The following CDH4 variants were observed in gnomAD, a reference collection of about 807,000 sequenced individuals.
The protein encoded by CDH4 is cadherin-4.
A neutral mutation model predicts 86.0 loss-of-function variants in CDH4; 33 were observed. That is an observed-to-expected ratio of 0.38 (90% CI 0.29 to 0.51). CDH4 has a LOEUF of 0.51. Among genes scored for constraint, CDH4 ranks in the 20% least tolerant of loss-of-function variants. CDH4 has a pLI of 0.86. For synonymous variants in CDH4, 555 were observed against 549.4 expected (o/e 1.01, Z -0.14); for missense variants, 1,114 against 1,307.4 (o/e 0.85, Z 2.28).
At chr20:61,424,378 A>G (rs562409234) in intron 2 of CDH4, among the ~76,000 whole-genome samples, 8 of 150,810 alleles carry the variant, frequency 5.3e-5, no homozygotes, top group African/African-American at 1.7e-4. Context: ...ACAAACATGT[A>G]TCCACACACA....
chr20:61,275,336 A>G (rs1309909381), intron 2 of CDH4, among the ~76,000 whole-genome samples: 1 of 87,786 alleles, frequency 1.1e-5, no homozygotes, highest in Non-Finnish European at 2.1e-5. Flanking sequence ...TTGGGAGAGT[A>G]CCGTGCGCAG....
At chr20:61,852,643 C>T (rs1982778374) in intron 5 of CDH4, 111 bp from the exon 6 acceptor site, 10 of 1,151,462 alleles carry the variant, frequency 8.7e-6, no homozygotes, top group Non-Finnish European at 1.2e-5. Context: ...CCCCTATAGC[C>T]AACCTGCTTC....
At chr20:61,923,059 C>T (rs906037750) in intron 9 of CDH4, among the ~76,000 whole-genome samples, 2 of 152,228 alleles carry the variant, frequency 1.3e-5, no homozygotes, top group South Asian at 2.1e-4. Flanking sequence ...TGGTGAGGCC[C>T]CGCTGGCCAA....
chr20:61,652,862 G>T (rs1284465913), intron 2 of CDH4, among the ~76,000 whole-genome samples: 1 of 146,388 alleles, frequency 6.8e-6, no homozygotes, highest in Non-Finnish European at 1.5e-5. Context: ...TTTTTTTGGG[G>T]GGGGGATAAA....
intron 4 of CDH4, among the ~76,000 whole-genome samples, chr20:61,793,982 C>CAA (rs60192209): frequency 0.15 from 21,721 of 142,386 alleles, 1,813 homozygotes; most frequent in South Asian, 0.25. Flanking sequence ...ACTAAAAATA[C>CAA]AAAAAAAAAA....
intron 9 of CDH4, among the ~76,000 whole-genome samples, chr20:61,916,539 A>G (rs1335691204): frequency 6.6e-6 from 1 of 152,216 alleles, no homozygotes. Flanking sequence ...TATCATCATC[A>G]TCATCCTCAT....
At chr20:61,714,051 A>ATGTTATGTTATGTTATGTTATGTTATG in intron 2 of CDH4, among the ~76,000 whole-genome samples, 1 of 149,636 alleles carries the variant, frequency 6.7e-6, no homozygotes, top group Admixed American at 6.7e-5. Flanking sequence ...ATTTTATTTT[A>ATGTTATGTTATGTTATGTTATGTTATG]TTTTATTTTA....
At chr20:61,604,235 G>C (rs971937666) in intron 2 of CDH4, among the ~76,000 whole-genome samples, 1 of 152,244 alleles carries the variant, frequency 6.6e-6, no homozygotes, top group Non-Finnish European at 1.5e-5. Flanking sequence ...GACTGTCTCC[G>C]GAGTAACAGG....
intron 2 of CDH4, among the ~76,000 whole-genome samples, chr20:61,331,099 T>G (rs914862372): frequency 2.6e-5 from 4 of 152,096 alleles, no homozygotes; most frequent in African/African-American, 9.7e-5. Context: ...ACCCCACGTG[T>G]GGGAGGATCT....
chr20:61,512,913 T>G (rs537757357), intron 2 of CDH4, among the ~76,000 whole-genome samples: 1 of 152,392 alleles, frequency 6.6e-6, no homozygotes, highest in South Asian at 2.1e-4. Flanking sequence ...TGTGTTTGTT[T>G]GTTTTTTGGG....
intron 6 of CDH4, among the ~76,000 whole-genome samples, chr20:61,857,012 A>G (rs1488709181): frequency 6.6e-6 from 1 of 152,240 alleles, no homozygotes; most frequent in African/African-American, 2.4e-5. Flanking sequence ...CTTGGAGGCC[A>G]AAAGCTTGTT....
At chr20:61,767,443 C>T (rs1054645598) in intron 3 of CDH4, among the ~76,000 whole-genome samples, 3 of 152,178 alleles carry the variant, frequency 2.0e-5, no homozygotes, top group African/African-American at 7.2e-5. Flanking sequence ...TGTTCCCTGC[C>T]GTGTGGAGTG....
chr20:61,596,080 G>A (rs2086555482), intron 2 of CDH4, among the ~76,000 whole-genome samples: 1 of 152,232 alleles, frequency 6.6e-6, no homozygotes, highest in Admixed American at 6.5e-5. Flanking sequence ...GGGACCAACT[G>A]TCCTCAGAGC....
intron 2 of CDH4, among the ~76,000 whole-genome samples, chr20:61,688,307 C>T (rs1029696998): frequency 1.3e-5 from 2 of 152,098 alleles, no homozygotes; most frequent in East Asian, 1.9e-4. Flanking sequence ...TTTCTCCCTC[C>T]TCCCACCTTC....
At chr20:61,383,704 A>C (rs1418436298) in intron 2 of CDH4, among the ~76,000 whole-genome samples, 1 of 74,590 alleles carries the variant, frequency 1.3e-5, no homozygotes, top group African/African-American at 4.3e-5. Flanking sequence ...ATATATATGA[A>C]TGTATATGAT....
intron 2 of CDH4, among the ~76,000 whole-genome samples, chr20:61,556,998 C>G (rs1362856189): frequency 1.3e-5 from 2 of 152,168 alleles, no homozygotes; most frequent in East Asian, 3.9e-4. Flanking sequence ...AAGCTTCTCT[C>G]TGGGGCTTTC....
intron 2 of CDH4, among the ~76,000 whole-genome samples, chr20:61,628,767 G>T (rs561114927): frequency 1.9e-4 from 29 of 152,312 alleles, no homozygotes; most frequent in African/African-American, 6.7e-4. Context: ...GACAGAGCCT[G>T]CTCCCCAGCC....
chr20:61,837,558 A>C (rs903385593), intron 4 of CDH4, among the ~76,000 whole-genome samples: 9 of 152,026 alleles, frequency 5.9e-5, no homozygotes, highest in Admixed American at 5.9e-4. Context: ...ATGGTCCCTT[A>C]AGGAATTCCA....
intron 2 of CDH4, among the ~76,000 whole-genome samples, chr20:61,414,195 T>C (rs1320990891): frequency 6.6e-6 from 1 of 152,244 alleles, no homozygotes; most frequent in Non-Finnish European, 1.5e-5. Flanking sequence ...CATATGAATC[T>C]TGGGGAATGC....
Sources: allele counts gnomAD v4.1 joint callset (sites outside exome capture counted in the v4.1 genomes callset), GRCh38; gene constraint gnomAD v4.1.1; transcripts MANE v1.5; gene names NCBI Gene and HGNC (gene_info 2026-07-23, HGNC 2026-07-21).